The following AP3B2 variants were observed in gnomAD, a reference collection of about 807,000 sequenced individuals.
AP3B2 encodes the protein adaptor related protein complex 3 subunit beta 2, also known as AP-3 complex subunit beta-2.
A neutral mutation model predicts 126.9 loss-of-function variants in AP3B2; 50 were observed. That is an observed-to-expected ratio of 0.39 (90% CI 0.31 to 0.50). The LOEUF (loss-of-function observed/expected upper bound fraction) is 0.50, where lower values mean the gene tolerates loss of function less well. Among genes scored for constraint, AP3B2 ranks in the 20% least tolerant of loss-of-function variants. The pLI is 0.79. For synonymous variants in AP3B2, 541 were observed against 565.0 expected (o/e 0.96, Z 0.60); for missense variants, 1,177 against 1,426.4 (o/e 0.83, Z 2.82).
intron 20 of AP3B2, 42 bp downstream of exon 20, chr15:82,663,759 C>T (rs1230091805): frequency 6.2e-7 from 1 of 1,601,196 alleles, no homozygotes; most frequent in South Asian, 1.1e-5. Context: ...GGGGAGGGCC[C>T]TGGCCCATGA....
At chr15:82,705,318 C>T (rs769948454) in intron 1 of AP3B2, among the ~76,000 whole-genome samples, 11 of 152,148 alleles carry the variant, frequency 7.2e-5, no homozygotes, top group Admixed American at 2.6e-4. Context: ...AGCCTATAAA[C>T]TCTCCTTACA....
At position 82,663,999 on chromosome 15, in the gene AP3B2, T is replaced by G. The variant is rs1273062314; in HGVS notation, c.2262-24A>C. 1.9e-6 allele frequency: 3 copies of G among 1,595,564 alleles called. No individual in the cohort carries two copies. The African/African-American group carries it at 4.0e-5, about 21-fold the overall frequency. On this transcript the variant is annotated intron_variant, in intron 19 of 26. Coordinates refer to ENST00000535359, the MANE Select transcript of AP3B2 (RefSeq NM_001278512.2). ...CACTGAAGGAGTGGGAAAGGTTGGC[T>G]CAGGCCTGGCCTGGACACTCCCTCC...
chr15:82,680,920 C>A lies in AP3B2; in HGVS notation c.688G>T (p.Asp230Tyr), dbSNP rs1262825827. ...NYRKLCNLLI[D>Y]VEEWGQVVII... The stretch of plus-strand genomic sequence containing the variant: ...ACCACCTGGCCCCACTCCTCCACGT[C>A]GATCAGCAGGTTACAGAGTTTCCGG... Residue 230 changes from aspartate (D) to tyrosine (Y), a missense_variant, in exon 7 of 27, where the codon GAC becomes TAC. Asp to Tyr is a radical substitution (Grantham distance 160). Coordinates refer to ENST00000535359, the MANE Select transcript of AP3B2 (RefSeq NM_001278512.2). This position sits in a 1 kb window ranked among gnomAD's most constrained non-coding sequence, Gnocchi z 6.1. 1.2e-6 allele frequency: 2 copies of A among 1,613,836 alleles called. No homozygotes were observed. The highest frequency in any genetic ancestry group is 1.3e-5 in the African/African-American group (1 of 74,906).
intron 1 of AP3B2, among the ~76,000 whole-genome samples, chr15:82,702,267 G>A (rs1180062364): frequency 1.3e-5 from 2 of 152,092 alleles, no homozygotes; most frequent in Non-Finnish European, 2.9e-5. Flanking sequence ...CCAAAGCTGG[G>A]CTCAACATTA....
chr15:82,666,980 A>G, intron 14 of AP3B2, 47 bp from the exon 15 acceptor site: 1 of 1,564,110 alleles, frequency 6.4e-7, no homozygotes, highest in Non-Finnish European at 8.7e-7. Flanking sequence ...GGATGGGGAC[A>G]CAGGAGGCTC....
chr15:82,672,850 C>A (rs562242606), intron 14 of AP3B2, among the ~76,000 whole-genome samples: 1 of 152,286 alleles, frequency 6.6e-6, no homozygotes, highest in Non-Finnish European at 1.5e-5. Flanking sequence ...TGTTGGGAGG[C>A]CCCTATGGCA....
chr15:82,696,688 C>T (rs974202383), intron 1 of AP3B2, among the ~76,000 whole-genome samples: 1 of 152,238 alleles, frequency 6.6e-6, no homozygotes, highest in African/African-American at 2.4e-5. Context: ...CAGATAGACA[C>T]AGCCCTGAGC....
In AP3B2 at chr15:82,661,844, A is replaced by G. The variant is rs1473684530; in HGVS notation, c.2997T>C (p.Asn999=). The change falls in exon 25 of 27, where the codon AAT becomes AAC. Residue 999 remains asparagine (N), a synonymous_variant. Coordinates refer to ENST00000535359, the MANE Select transcript of AP3B2 (RefSeq NM_001278512.2). ...ELMAPVFMSE[N]EFKKEQGKLM... ...ACTCACCCTGTTCCTTCTTAAACTC[A>G]TTTTCACTCATGAACACAGGGGCCA... The G allele has an allele frequency of 6.2e-7, 1 of 1,613,200 alleles. No individual in the cohort carries two copies. The highest frequency in any genetic ancestry group is 8.5e-7 in the Non-Finnish European group (1 of 1,179,638).
intron 14 of AP3B2, among the ~76,000 whole-genome samples, chr15:82,669,956 G>A (rs1226597603): frequency 2.3e-5 from 3 of 131,940 alleles, no homozygotes; most frequent in Admixed American, 8.0e-5. Context: ...AGTGGAGATC[G>A]CGTCACTGCA....
In AP3B2 at chr15:82,663,575, G is replaced by A. The variant is rs371403262; in HGVS notation, c.2482C>T (p.Leu828Phe). ...CCAAACTCACAATCCTCTAGATCAAGCAGGGAGATCTCCTTGGTTGCAGGA... is the reference window on the plus strand; with the variant it reads ...CCAAACTCACAATCCTCTAGATCAAACAGGGAGATCTCCTTGGTTGCAGGA... ...SAPATKEISL[L>F]DLEDFTPPSV... The change falls in exon 21 of 27, where the codon CTT (leucine) becomes TTT (phenylalanine). Residue 828 changes from leucine to phenylalanine, a missense_variant. Around this residue, in one of 5 missense-constraint regions of AP3B2, gnomAD observed 587 missense variants for 571.3 expected, o/e 1.03. Transcript: ENST00000535359. 6.2e-7 allele frequency: 1 copy of A among 1,613,722 alleles called. No individual in the cohort carries two copies. Among genetic ancestry groups the A allele is most frequent in the Non-Finnish European group, 8.5e-7 (1 of 1,179,838 alleles).
intron 14 of AP3B2, among the ~76,000 whole-genome samples, chr15:82,674,265 C>G (rs1240565216): frequency 6.6e-6 from 1 of 152,198 alleles, no homozygotes. Context: ...TGGTCATGTG[C>G]GCATCCAAAC....
intron 14 of AP3B2, among the ~76,000 whole-genome samples, chr15:82,672,035 C>G (rs2048167820): frequency 6.6e-6 from 1 of 152,154 alleles, no homozygotes; most frequent in Admixed American, 6.5e-5. Context: ...CAGTGCAAGA[C>G]TCCATCTCAA....
Position 82,661,875 on chromosome 15 carries a change from T to TC in AP3B2, c.2965dup (p.Glu989GlyfsTer10). 1 of 1,613,788 alleles carries TC rather than the reference T, an allele frequency of 6.2e-7. No homozygotes were observed. Among genetic ancestry groups the TC allele is most frequent in the Non-Finnish European group, 8.5e-7 (1 of 1,179,846 alleles). ...ACTCATGAACACAGGGGCCATCAGC[T>TC]CCCCAACAGGTGGCTGAATGGAGAC... On this transcript the variant is annotated frameshift_variant, in exon 25 of 27. Transcript: ENST00000535359. LOFTEE classifies it high-confidence loss of function.
intron 4 of AP3B2, among the ~76,000 whole-genome samples, chr15:82,683,184 G>A (rs566551173): frequency 0.018 from 2,762 of 149,672 alleles, 34 homozygotes; most frequent in Non-Finnish European, 0.027. Context: ...TCAGCCTCCC[G>A]AGTAGCTGGG....
intron 1 of AP3B2, among the ~76,000 whole-genome samples, chr15:82,704,001 T>G (rs1187442422): frequency 6.6e-6 from 1 of 152,118 alleles, no homozygotes; most frequent in African/African-American, 2.4e-5. Context: ...CGGCTTACAG[T>G]TTTGTTCTGC....
rs776102181 is a variant in AP3B2 at position 82,662,900 on chromosome 15, A to G, written c.2627T>C (p.Val876Ala). Residue 876 changes from valine (V) to alanine (A), a missense_variant, in exon 23 of 27, where the codon GTT (valine) becomes GCT (alanine). Physicochemically the swap from Val to Ala is moderately conservative, Grantham distance 64. Transcript: ENST00000535359. ...VPSLLSPVSG[V>A]GRQELLHRVA... Reference sequence around the variant, plus strand: ...CCGGTGCAGCAGCTCCTGCCGCCCAACACCCGATACTGGACTCAGAAGCTA... The same window carrying G: ...CCGGTGCAGCAGCTCCTGCCGCCCAGCACCCGATACTGGACTCAGAAGCTA... 5.0e-6 allele frequency: 8 copies of G among 1,613,116 alleles called. No homozygotes were observed. The highest frequency in any genetic ancestry group is 6.8e-6 in the Non-Finnish European group (8 of 1,179,762).
chr15:82,708,237 C>T (rs1022975835), intron 1 of AP3B2, among the ~76,000 whole-genome samples: 1 of 151,730 alleles, frequency 6.6e-6, no homozygotes, highest in Non-Finnish European at 1.5e-5. Flanking sequence ...GAACAACCCC[C>T]TTTGACTGTA....
intron 1 of AP3B2, chr15:82,692,183 A>G (rs2151452583): frequency 6.9e-7 from 1 of 1,449,352 alleles, no homozygotes; most frequent in African/African-American, 1.4e-5. Context: ...CATAAATAGC[A>G]TCCTCTGCAT....
rs754652888 is a variant in AP3B2, at chr15:82,666,739, G to A, written c.1852+8C>T. On this transcript the variant is annotated splice_region_variant and intron_variant, in intron 15 of 26. Coordinates refer to ENST00000535359, the MANE Select transcript of AP3B2 (RefSeq NM_001278512.2). ...CCTAGGAAGGTTACCCTTGATTTCA[G>A]CTCCCACCTTTGAAGGATGACTCCA... 48 of 1,612,158 alleles carry A rather than the reference G, an allele frequency of 3.0e-5. No homozygotes were observed. In the South Asian group the frequency reaches 3.7e-4, roughly 13 times the overall value.
Sources: gnomAD v4.1 joint callset for allele counts (sites outside exome capture counted in the v4.1 genomes callset) on GRCh38, gnomAD v4.1.1 for gene constraint, gnomAD v4.1.1 regional missense constraint, Gnocchi (gnomAD v3.1) non-coding constraint, MANE v1.5 for transcripts, NCBI Gene and HGNC (gene_info 2026-07-23, HGNC 2026-07-21) for gene names.